The following COL21A1 variants were observed in gnomAD, a reference collection of about 807,000 sequenced individuals.
COL21A1 encodes the protein collagen alpha-1(XXI) chain.
COL21A1 carries 149 observed loss-of-function variants against 137.9 expected under a neutral mutation model. The observed-to-expected ratio is 1.08, with a 90% confidence interval of 0.95 to 1.24. The LOEUF (loss-of-function observed/expected upper bound fraction) is 1.24, where lower values mean the gene tolerates loss of function less well. Ranked by LOEUF, COL21A1 falls within the 50% of genes most tolerant of loss-of-function variation. The pLI is 0.00. For synonymous variants in COL21A1, 456 were observed against 391.5 expected, an observed-to-expected ratio of 1.16 and a Z score of -1.95; for missense variants, 1,167 against 1,158.4, an observed-to-expected ratio of 1.01 and a Z score of -0.11.
chr6:56,092,025 G>C (rs1768864451), intron 17 of COL21A1, among the ~76,000 whole-genome samples: 2 of 151,936 alleles, frequency 1.3e-5, no homozygotes, highest in Admixed American at 1.3e-4. Context: ...AAAATATTAA[G>C]GATTCTTTGA....
chr6:56,314,476 A>T (rs892612904), intron 1 of COL21A1, among the ~76,000 whole-genome samples: 1 of 152,132 alleles, frequency 6.6e-6, no homozygotes, highest in Non-Finnish European at 1.5e-5. Flanking sequence ...TAAAAGAAAG[A>T]TTCCTAGAAT....
At chr6:56,182,439 T>G in intron 2 of COL21A1, 92 bp downstream of exon 2, 52 of 784,668 alleles carry the variant, frequency 6.6e-5, no homozygotes, top group Non-Finnish European at 1.1e-4. Flanking sequence ...ACAGTAAGAA[T>G]GAGATCCTTA....
chr6:56,077,444 C>G, intron 18 of COL21A1, 85 bp downstream of exon 18: 1 of 892,104 alleles, frequency 1.1e-6, no homozygotes, highest in Non-Finnish European at 1.7e-6. Flanking sequence ...ACTGTTACCA[C>G]AAATGTAAAA....
chr6:56,180,083 A>G lies in COL21A1; in HGVS notation c.135T>C (p.Ser45=). The part of the protein sequence containing the change: ...PTDLVFILDG[S]YSVGPENFEI... ...CAAAGTTTTCTGGGCCAACACTATA[A>G]GAGCCATCTAAGATGAAAACTAAAT... The change falls in exon 3 of 30, where the codon TCT becomes TCC. Residue 45 remains serine (S), a synonymous_variant. Coordinates refer to ENST00000244728, the MANE Select transcript of COL21A1 (RefSeq NM_030820.4). 3.1e-6 allele frequency: 5 copies of G among 1,613,636 alleles called. No individual in the cohort carries two copies. The highest frequency in any genetic ancestry group is 4.2e-6 in the Non-Finnish European group (5 of 1,179,760).
intron 16 of COL21A1, among the ~76,000 whole-genome samples, chr6:56,117,946 G>C (rs1003997611): frequency 4.0e-5 from 6 of 151,758 alleles, no homozygotes; most frequent in Non-Finnish European, 8.8e-5. Flanking sequence ...TAGTAAGATG[G>C]AAGTTTATAG....
intron 12 of COL21A1, among the ~76,000 whole-genome samples, chr6:56,128,793 T>A (rs759012919): frequency 3.3e-5 from 5 of 152,128 alleles, no homozygotes; most frequent in Non-Finnish European, 5.9e-5. Context: ...TAGCCGGGAT[T>A]ACAGGTACCC....
chr6:56,240,568 G>C (rs1782234158), intron 1 of COL21A1, among the ~76,000 whole-genome samples: 1 of 152,204 alleles, frequency 6.6e-6, no homozygotes, highest in Non-Finnish European at 1.5e-5. Flanking sequence ...AGGATCCAAT[G>C]ACTTCATGCT....
intron 1 of COL21A1, among the ~76,000 whole-genome samples, chr6:56,379,221 C>A (rs558141660): frequency 4.9e-4 from 74 of 152,302 alleles, no homozygotes; most frequent in African/African-American, 1.7e-3. Context: ...ATGACCTCAC[C>A]AAATGCAATA....
intron 17 of COL21A1, among the ~76,000 whole-genome samples, chr6:56,089,583 TA>T (rs1247624911): frequency 6.6e-6 from 1 of 152,292 alleles, no homozygotes; most frequent in East Asian, 1.9e-4. Flanking sequence ...TTCAAATCCA[TA>T]TTGTTAAAGT....
At chr6:56,264,664 C>T (rs1277176513) in intron 1 of COL21A1, among the ~76,000 whole-genome samples, 1 of 152,176 alleles carries the variant, frequency 6.6e-6, no homozygotes, top group African/African-American at 2.4e-5. Flanking sequence ...TATAATTCAA[C>T]ATATCAAAAA....
At chr6:56,213,947 A>T (rs1483193728) in intron 1 of COL21A1, among the ~76,000 whole-genome samples, 4 of 152,100 alleles carry the variant, frequency 2.6e-5, no homozygotes, top group Non-Finnish European at 5.9e-5. Context: ...GGGTGACCCA[A>T]GTATTTAAAA....
chr6:56,343,162 A>G (rs191578630), intron 1 of COL21A1, among the ~76,000 whole-genome samples: 74 of 152,274 alleles, frequency 4.9e-4, no homozygotes, highest in African/African-American at 1.7e-3. Context: ...ATTTCCTTTA[A>G]AAGTAATCAC....
At chr6:56,111,709 C>CA (rs35714909) in intron 16 of COL21A1, among the ~76,000 whole-genome samples, 88 of 141,770 alleles carry the variant, frequency 6.2e-4, no homozygotes, top group South Asian at 2.0e-3. Flanking sequence ...ACTAAAAATA[C>CA]AAAAAAAAAA....
rs891098785 is a variant in COL21A1, at chr6:56,057,525, A to G, written c.*132T>C. The G allele has an allele frequency of 1.1e-5, 9 of 826,290 alleles. No homozygotes were observed. Among genetic ancestry groups the G allele is most frequent in the Middle Eastern group, 7.0e-4 (2 of 2,854 alleles). 51.2% of individuals were successfully genotyped at this position (826,290 alleles called of 1,614,324 possible). ...TATGTGATCTTTTATATTTTTTTCCATAAGAAAAAAAAAATAAAAACACCG... is the reference window on the plus strand; with the variant it reads ...TATGTGATCTTTTATATTTTTTTCCGTAAGAAAAAAAAAATAAAAACACCG... On this transcript the variant is annotated 3_prime_UTR_variant, in exon 30 of 30. Coordinates refer to ENST00000244728, the MANE Select transcript of COL21A1 (RefSeq NM_030820.4).
intron 1 of COL21A1, among the ~76,000 whole-genome samples, chr6:56,307,392 C>T (rs963808335): frequency 2.6e-5 from 4 of 152,238 alleles, no homozygotes; most frequent in African/African-American, 9.6e-5. Context: ...TTCCCAGCTG[C>T]TTTGTTTACC....
At chr6:56,181,969 C>A (rs1777930997) in intron 2 of COL21A1, among the ~76,000 whole-genome samples, 3 of 152,148 alleles carry the variant, frequency 2.0e-5, no homozygotes, top group Admixed American at 6.5e-5. Flanking sequence ...CAAACCATCT[C>A]ATTTAACTTT....
chr6:56,275,090 C>G (rs551826538), intron 1 of COL21A1, among the ~76,000 whole-genome samples: 3 of 152,108 alleles, frequency 2.0e-5, no homozygotes, highest in African/African-American at 7.2e-5. Context: ...TTTGTCTAAG[C>G]TGACAAAAAA....
intron 3 of COL21A1, among the ~76,000 whole-genome samples, chr6:56,175,213 T>C (rs1582559915): frequency 6.6e-6 from 1 of 152,116 alleles, no homozygotes; most frequent in East Asian, 1.9e-4. Flanking sequence ...TGTTAAAAGC[T>C]TTTCCTCTAA....
chr6:56,211,241 A>C (rs953001316), intron 1 of COL21A1, among the ~76,000 whole-genome samples: 3 of 96,860 alleles, frequency 3.1e-5, no homozygotes, highest in African/African-American at 8.2e-5. Context: ...ATATATGTAT[A>C]TGTATATATA....
Sources: gnomAD v4.1 joint callset for allele counts (sites outside exome capture counted in the v4.1 genomes callset) on GRCh38, gnomAD v4.1.1 for gene constraint, MANE v1.5 for transcripts, NCBI Gene and HGNC (gene_info 2026-07-23, HGNC 2026-07-21) for gene names.